Variants in NTRK3 observed in about 807,000 individuals in gnomAD.
The protein encoded by NTRK3 is NT-3 growth factor receptor.
A neutral mutation model predicts 91.7 loss-of-function variants in NTRK3; 24 were observed. That is an observed-to-expected ratio of 0.26 (90% CI 0.19 to 0.37). The LOEUF (loss-of-function observed/expected upper bound fraction) is 0.37. Ranked by LOEUF, NTRK3 falls within the 10% of genes least tolerant of loss-of-function variation. The pLI, the probability that NTRK3 is intolerant of heterozygous loss-of-function variation, is 1.00. For synonymous variants in NTRK3, 483 were observed against 404.0 expected (o/e 1.20, Z -2.34); for missense variants, 880 against 1,068.9 (o/e 0.82, Z 2.46).
intron 17 of NTRK3, among the ~76,000 whole-genome samples, chr15:87,922,466 G>A (rs2067954758): frequency 6.6e-6 from 1 of 152,146 alleles, no homozygotes; most frequent in Non-Finnish European, 1.5e-5. Context: ...TCTCTGTCTT[G>A]TTCTCTCAGG....
chr15:87,959,410 A>T (rs1164586199), intron 14 of NTRK3, among the ~76,000 whole-genome samples: 2 of 152,138 alleles, frequency 1.3e-5, no homozygotes, highest in African/African-American at 4.8e-5. Context: ...CTCTGGAAAC[A>T]TCAAGCGAGA....
intron 6 of NTRK3, among the ~76,000 whole-genome samples, chr15:88,144,388 T>C (rs1272757094): frequency 2.0e-5 from 3 of 151,954 alleles, no homozygotes; most frequent in East Asian, 3.9e-4. Context: ...CCCACAAAAA[T>C]AAATGAGAGA....
chr15:88,099,460 G>T (rs2049959519), intron 13 of NTRK3, among the ~76,000 whole-genome samples: 2 of 152,186 alleles, frequency 1.3e-5, no homozygotes, highest in African/African-American at 4.8e-5. Flanking sequence ...CAGGAACATG[G>T]ATTCAAAATT....
At chr15:87,917,547 T>C (rs1237095747) in intron 17 of NTRK3, among the ~76,000 whole-genome samples, 1 of 152,238 alleles carries the variant, frequency 6.6e-6, no homozygotes, top group Non-Finnish European at 1.5e-5. Context: ...AATTTAAAAA[T>C]CCATCCTGGT....
intron 13 of NTRK3, among the ~76,000 whole-genome samples, chr15:88,112,524 T>C (rs1216757148): frequency 5.4e-5 from 5 of 92,332 alleles, no homozygotes; most frequent in Non-Finnish European, 1.1e-4. Flanking sequence ...GACTGCCTTC[T>C]GCCTGCCACT....
In NTRK3 at chr15:88,126,270, C is replaced by T; in HGVS notation, c.1396+1G>A. On this transcript the variant is annotated splice_donor_variant, in intron 13 of 18. Coordinates refer to ENST00000394480, the Ensembl canonical transcript of NTRK3. LOFTEE classifies it high-confidence loss of function. ...CCTTGAAAATGAAACTCCCACCTTA[C>T]CCTTCATTCCAAATTTGGACCGTCG... The T allele has an allele frequency of 6.2e-7, 1 of 1,606,610 alleles. No individual in the cohort carries two copies. The highest frequency in any genetic ancestry group is 8.5e-7 in the Non-Finnish European group (1 of 1,173,248).
chr15:88,256,576 G>C, intron 1 of NTRK3, 68 bp downstream of exon 1: 2 of 491,736 alleles, frequency 4.1e-6, no homozygotes, highest in Non-Finnish European at 3.5e-6. Context: ...CCACCTACTG[G>C]GCAGAATTAA....
At chr15:88,126,158 C>G in intron 13 of NTRK3, 113 bp downstream of exon 13, 1 of 775,722 alleles carries the variant, frequency 1.3e-6, no homozygotes, top group African/African-American at 1.7e-5. Flanking sequence ...CCAGTTAGAC[C>G]CCATGACCGG....
At chr15:87,862,509 T>G (rs1038076662) in exon 19 of NTRK3, 2 of 227,584 alleles carry the variant, frequency 8.8e-6, no homozygotes, top group African/African-American at 4.4e-5. Context: ...TAGAAGGCAA[T>G]ATTTATGATG....
At chr15:88,000,841 C>T (rs1038079314) in intron 14 of NTRK3, among the ~76,000 whole-genome samples, 1 of 152,098 alleles carries the variant, frequency 6.6e-6, no homozygotes, top group African/African-American at 2.4e-5. Context: ...TGCATGAACA[C>T]GTTTTCAATT....
intron 14 of NTRK3, among the ~76,000 whole-genome samples, chr15:88,001,858 C>G (rs75181787): frequency 6.6e-6 from 1 of 152,182 alleles, no homozygotes; most frequent in African/African-American, 2.4e-5. Context: ...ATCAGCATGT[C>G]AATTTCTGCA....
At chr15:87,899,852 C>A (rs1000289860) in intron 17 of NTRK3, among the ~76,000 whole-genome samples, 1 of 152,142 alleles carries the variant, frequency 6.6e-6, no homozygotes, top group African/African-American at 2.4e-5. Flanking sequence ...CCCATCTGTT[C>A]ACTGACTGGC....
intron 13 of NTRK3, among the ~76,000 whole-genome samples, chr15:88,051,136 C>G (rs2080786587): frequency 6.6e-6 from 1 of 152,134 alleles, no homozygotes; most frequent in African/African-American, 2.4e-5. Context: ...GTCTGCTGTT[C>G]CCCAAATACA....
chr15:87,969,448 G>C (rs555729315), intron 14 of NTRK3, among the ~76,000 whole-genome samples: 5 of 152,252 alleles, frequency 3.3e-5, no homozygotes, highest in South Asian at 2.1e-4. Flanking sequence ...AGAATAGATA[G>C]ATAGATAGCT....
intron 17 of NTRK3, among the ~76,000 whole-genome samples, chr15:87,889,396 CTTTTTTTTTT>C (rs568030482): frequency 6.3e-5 from 6 of 95,632 alleles, no homozygotes; most frequent in African/African-American, 2.5e-4. Flanking sequence ...TTATTAGTTC[CTTTTTTTTTT>C]TTTTTTTTTT....
rs944756270 is a variant in NTRK3, at chr15:88,048,350, G to A, written c.1397-15305C>T. 4.2e-4 allele frequency among the ~76,000 whole-genome samples: 64 copies of A among 152,118 alleles called. 1 individual carries two copies. Among genetic ancestry groups the A allele is most frequent in the Admixed American group, 3.9e-3 (59 of 15,264 alleles). ...CTGGGCAAAGTCCCATATTCCTGAC[G>A]GGCTATCAAAGTGATGAGGATTATG... is the stretch of plus-strand genomic sequence containing the variant. On this transcript the variant is annotated intron_variant, in intron 13 of 18. Transcript: ENST00000394480.
intron 14 of NTRK3, 35 bp downstream of exon 14, chr15:88,032,822 C>T (rs957688142): frequency 6.2e-7 from 1 of 1,612,404 alleles, no homozygotes; most frequent in Middle Eastern, 1.6e-4. Context: ...ACCCTCCCCT[C>T]CCCAGGAGGG....
At chr15:88,174,764 T>C (rs2045841460) in intron 5 of NTRK3, among the ~76,000 whole-genome samples, 1 of 152,196 alleles carries the variant, frequency 6.6e-6, no homozygotes, top group African/African-American at 2.4e-5. Flanking sequence ...ACCTGCTCCA[T>C]AAGGCTGCCC....
chr15:88,042,747 C>A (rs1267289671), intron 13 of NTRK3, among the ~76,000 whole-genome samples: 1 of 152,188 alleles, frequency 6.6e-6, no homozygotes, highest in Non-Finnish European at 1.5e-5. Flanking sequence ...CCCTTACCTC[C>A]CTTAATCATC....
Sources: allele counts gnomAD v4.1 joint callset (sites outside exome capture counted in the v4.1 genomes callset), GRCh38; gene constraint gnomAD v4.1.1; transcripts MANE v1.5; gene names NCBI Gene and HGNC (gene_info 2026-07-23, HGNC 2026-07-21).